SOX6: variants seen among roughly 807,000 people sequenced by gnomAD.
SOX6 encodes SRY-box transcription factor 6, also known as transcription factor SOX-6.
A neutral mutation model predicts 97.8 loss-of-function variants in SOX6; 11 were observed. The ratio of observed to expected loss-of-function variants is 0.11; its 90% confidence interval spans 0.07 to 0.19. The LOEUF (loss-of-function observed/expected upper bound fraction) is 0.19. Among genes scored for constraint, SOX6 ranks in the 10% least tolerant of loss-of-function variants. The pLI is 1.00. For synonymous variants in SOX6, 360 were observed against 371.4 expected (o/e 0.97, Z 0.35); for missense variants, 810 against 1,039.5 (o/e 0.78, Z 3.04).
intron 7 of SOX6, among the ~76,000 whole-genome samples, chr11:16,104,419 C>T (rs2133985041): frequency 6.6e-6 from 1 of 152,058 alleles, no homozygotes; most frequent in South Asian, 2.1e-4. Flanking sequence ...TATGAAGTGT[C>T]AAATCAGAGA....
At chr11:16,390,986 T>C (rs1351208215) in intron 1 of SOX6, among the ~76,000 whole-genome samples, 1 of 152,174 alleles carries the variant, frequency 6.6e-6, no homozygotes, top group Non-Finnish European at 1.5e-5. Flanking sequence ...ATGTGGCACA[T>C]ATACACCATG....
At chr11:16,615,575 C>T (rs1259150874) in intron 3 of SOX6, among the ~76,000 whole-genome samples, 1 of 152,046 alleles carries the variant, frequency 6.6e-6, no homozygotes, top group African/African-American at 2.4e-5. Context: ...TTACCATAAA[C>T]AGAATATTGA....
chr11:16,049,738 T>A lies in SOX6; in HGVS notation c.1435+17A>T. On this transcript the variant is annotated intron_variant, in intron 11 of 15. Transcript: ENST00000683767. ...CTAATTCGTAAGTCTCTTCCTGGTGTTGACTTTTCCATTTACCTAAAGAGG... is the reference window on the plus strand; with the variant it reads ...CTAATTCGTAAGTCTCTTCCTGGTGATGACTTTTCCATTTACCTAAAGAGG... 1 of 1,613,096 alleles carries A rather than the reference T, an allele frequency of 6.2e-7. No homozygotes were observed. The highest frequency in any genetic ancestry group is 8.5e-7 in the Non-Finnish European group (1 of 1,179,746).
chr11:16,334,529 G>A (rs1856402021), intron 2 of SOX6, among the ~76,000 whole-genome samples: 1 of 151,806 alleles, frequency 6.6e-6, no homozygotes, highest in Admixed American at 6.6e-5. Flanking sequence ...CCAGGTTCAA[G>A]CGATTCTCCT....
chr11:16,611,758 C>A (rs1208631430), intron 4 of SOX6, among the ~76,000 whole-genome samples: 4 of 152,172 alleles, frequency 2.6e-5, no homozygotes, highest in African/African-American at 9.7e-5. Flanking sequence ...AAGGACAAGG[C>A]ATTGTCCCTC....
chr11:16,281,432 T>C (rs968411302), intron 3 of SOX6, among the ~76,000 whole-genome samples: 1 of 152,046 alleles, frequency 6.6e-6, no homozygotes, highest in South Asian at 2.1e-4. Flanking sequence ...GATAGAGCAA[T>C]CTTTACAAAG....
intron 9 of SOX6, among the ~76,000 whole-genome samples, chr11:16,080,069 C>G (rs1187848414): frequency 6.7e-6 from 1 of 150,356 alleles, no homozygotes; most frequent in African/African-American, 2.4e-5. Context: ...TGCACATGTA[C>G]CCTAAAACTT....
intron 7 of SOX6, among the ~76,000 whole-genome samples, chr11:16,105,833 T>C (rs1849065449): frequency 6.6e-6 from 1 of 152,120 alleles, no homozygotes; most frequent in Non-Finnish European, 1.5e-5. Flanking sequence ...AGAAAGCTAC[T>C]AGAATTAATA....
chr11:16,663,049 AAAAG>A (rs1847778231), intron 3 of SOX6, among the ~76,000 whole-genome samples: 1 of 152,148 alleles, frequency 6.6e-6, no homozygotes, highest in Non-Finnish European at 1.5e-5. Flanking sequence ...GTTAAAAAAA[AAAAG>A]AAAGAAAAAG....
intron 7 of SOX6, among the ~76,000 whole-genome samples, chr11:16,105,466 GC>G (rs1280518973): frequency 2.0e-5 from 3 of 152,066 alleles, no homozygotes; most frequent in South Asian, 2.1e-4. Flanking sequence ...TACTTGGGAG[GC>G]TGAGGTAGAA....
At chr11:16,552,101 A>G (rs1338188488) in intron 4 of SOX6, among the ~76,000 whole-genome samples, 1 of 125,742 alleles carries the variant, frequency 8.0e-6, no homozygotes, top group Non-Finnish European at 1.9e-5. Context: ...TATTGTATAC[A>G]GACAACCACT....
chr11:16,356,845 TC>T (rs1857088769), upstream of SOX6, among the ~76,000 whole-genome samples: 2 of 151,890 alleles, frequency 1.3e-5, no homozygotes, highest in African/African-American at 4.8e-5. Context: ...TCTCCCACAG[TC>T]CCCATTAAAA....
intron 3 of SOX6, among the ~76,000 whole-genome samples, chr11:16,249,207 C>A (rs531893670): frequency 6.6e-6 from 1 of 152,058 alleles, no homozygotes; most frequent in East Asian, 1.9e-4. Flanking sequence ...TCTATCACAT[C>A]GTTAGGCTGC....
intron 8 of SOX6, among the ~76,000 whole-genome samples, chr11:16,096,993 T>C (rs772879066): frequency 9.2e-5 from 14 of 151,764 alleles, no homozygotes; most frequent in Non-Finnish European, 1.9e-4. Flanking sequence ...CACTTTATTG[T>C]GAAGAAGATA....
rs80074204 is a variant in SOX6, at chr11:16,259,808, T to C, written c.446-25137A>G. Among the ~76,000 whole-genome samples the C allele has an allele frequency of 8.7e-3, 1,327 of 152,060 alleles. 18 individuals are homozygous for C. Among genetic ancestry groups the C allele is most frequent in the African/African-American group, 0.03 (1,255 of 41,466 alleles). ...AGGGAGTCTTCCAGGATACTAGAAA[T>C]GTTCTATATCTTGCTATGGATGGTG... On this transcript the variant is annotated intron_variant, in intron 3 of 15. Coordinates refer to ENST00000683767, the MANE Select transcript of SOX6 (RefSeq NM_001367873.1).
intron 6 of SOX6, among the ~76,000 whole-genome samples, chr11:16,151,064 G>C (rs1305078298): frequency 6.6e-6 from 1 of 151,964 alleles, no homozygotes; most frequent in Non-Finnish European, 1.5e-5. Context: ...AATACTTTTG[G>C]ATTTTACAGT....
chr11:16,308,748 C>G (rs1855511017), intron 3 of SOX6, among the ~76,000 whole-genome samples: 1 of 152,032 alleles, frequency 6.6e-6, no homozygotes, highest in Non-Finnish European at 1.5e-5. Flanking sequence ...CTGGAAACAT[C>G]AATAAAGAGG....
chr11:16,424,788 A>T (rs1490360451), intron 1 of SOX6, among the ~76,000 whole-genome samples: 1 of 152,234 alleles, frequency 6.6e-6, no homozygotes, highest in Admixed American at 6.5e-5. Context: ...GTAACTCAAG[A>T]GATATTTTGT....
intron 3 of SOX6, among the ~76,000 whole-genome samples, chr11:16,659,980 T>C (rs1847753925): frequency 6.6e-6 from 1 of 152,068 alleles, no homozygotes; most frequent in South Asian, 2.1e-4. Flanking sequence ...CCCACTTTCA[T>C]TTTTTTATGT....
Sources: allele counts gnomAD v4.1 joint callset (sites outside exome capture counted in the v4.1 genomes callset), GRCh38; gene constraint gnomAD v4.1.1; transcripts MANE v1.5; gene names NCBI Gene and HGNC (gene_info 2026-07-23, HGNC 2026-07-21).